Variants in GNAS-AS1 observed in about 807,000 individuals in gnomAD.
GNAS-AS1 encodes the protein GNAS antisense RNA 1.
At chr20:58,833,017 G>A (rs1454593406) in intron 4 of GNAS-AS1, among the ~76,000 whole-genome samples, 1 of 152,246 alleles carries the variant, frequency 6.6e-6, no homozygotes, top group Non-Finnish European at 1.5e-5. Context: ...TTTTGCCAGG[G>A]ACCCTGCACC....
chr20:58,830,045 G>A (rs73129530), intron 4 of GNAS-AS1, among the ~76,000 whole-genome samples: 17,676 of 151,898 alleles, frequency 0.12, 1,097 homozygotes, highest in South Asian at 0.14. Flanking sequence ...AATCCAACTC[G>A]ACTGCCAACT....
At chr20:58,842,104 A>T (rs540677999) in exon 4 of GNAS-AS1, 1 of 401,192 alleles carries the variant, frequency 2.5e-6, no homozygotes, top group Non-Finnish European at 4.4e-6. Context: ...GCACGGGTAG[A>T]GTTAAGTTTA....
rs1223979444 is a variant in GNAS-AS1 at position 58,840,053 on chromosome 20, CCA to C, written n.819+1882_819+1883del. ...CTCCAGCAGCCAATGTGCTTCGGAG[CCA>C]CTCTCTGCAGAGCCAGAGGGCAGGC... is the stretch of plus-strand genomic sequence containing the variant. On this transcript the variant is annotated intron_variant and non_coding_transcript_variant, in intron 4 of 4. Transcript: ENST00000424094. This position sits in a 1 kb window ranked among gnomAD's most constrained non-coding sequence, Gnocchi z 6.0. The C allele has an allele frequency of 3.8e-6, 6 of 1,594,388 alleles. No individual in the cohort carries two copies. The highest frequency in any genetic ancestry group is 5.1e-6 in the Non-Finnish European group (6 of 1,170,548).
At chr20:58,819,103 A>G in exon 5 of GNAS-AS1, 1 of 398,640 alleles carries the variant, frequency 2.5e-6, no homozygotes, top group Non-Finnish European at 4.4e-6. Context: ...TTTGCTTATC[A>G]AACCTTTCTT....
intron 4 of GNAS-AS1, among the ~76,000 whole-genome samples, chr20:58,835,666 G>C (rs2085597774): frequency 6.6e-6 from 1 of 152,152 alleles, no homozygotes; most frequent in South Asian, 2.1e-4. Context: ...ATATTTGGGG[G>C]CACTTCACAT....
intron 4 of GNAS-AS1, among the ~76,000 whole-genome samples, chr20:58,828,204 C>T (rs2085533077): frequency 1.3e-5 from 2 of 152,220 alleles, no homozygotes; most frequent in East Asian, 1.9e-4. Context: ...AGGCTGATTA[C>T]TAAAGACATG....
At chr20:58,850,884 T>C in exon 1 of GNAS-AS1, 1 of 398,688 alleles carries the variant, frequency 2.5e-6, no homozygotes, top group Non-Finnish European at 4.4e-6. Context: ...TCTTCGGGCG[T>C]TCCAACGCGG....
Position 58,841,241 on chromosome 20 carries a change from C to A in GNAS-AS1, n.819+696G>T. 1 of 890,776 alleles carries A rather than the reference C, an allele frequency of 1.1e-6. No individual in the cohort carries two copies. Among genetic ancestry groups the A allele is most frequent in the Non-Finnish European group, 1.4e-6 (1 of 702,698 alleles). The allele number at this position is 890,776 out of a possible 1,614,324, so 55.2% of individuals were successfully genotyped here. ...GCATTGGTAAGTCACTTGTTTTGCG[C>A]GCTTTTCTTCCTCCTAGAAAGACTA... On this transcript the variant is annotated intron_variant and non_coding_transcript_variant, in intron 4 of 4. Transcript: ENST00000424094. The surrounding 1 kb of genome is among the most constrained non-coding windows in gnomAD (Gnocchi z 5.0).
intron 2 of GNAS-AS1, among the ~76,000 whole-genome samples, chr20:58,847,992 C>T (rs1358208939): frequency 2.0e-5 from 3 of 152,178 alleles, no homozygotes; most frequent in African/African-American, 7.2e-5. Flanking sequence ...AGGAACGGGG[C>T]TGTAATGGTG....
chr20:58,843,664 CAGG>C (rs1174633345), intron 2 of GNAS-AS1, among the ~76,000 whole-genome samples: 3 of 152,136 alleles, frequency 2.0e-5, no homozygotes, highest in Admixed American at 6.5e-5. Context: ...GGAGGAGGAG[CAGG>C]AGAATAAAGC....
intron 4 of GNAS-AS1, among the ~76,000 whole-genome samples, chr20:58,828,682 GC>G (rs2085535713): frequency 4.6e-5 from 7 of 152,194 alleles, no homozygotes; most frequent in Non-Finnish European, 1.0e-4. Context: ...GACTTTTTCT[GC>G]TTCTATGACA....
intron 4 of GNAS-AS1, among the ~76,000 whole-genome samples, chr20:58,825,618 G>A (rs2085514424): frequency 6.6e-6 from 1 of 152,200 alleles, no homozygotes; most frequent in East Asian, 1.9e-4. Flanking sequence ...ATTGGAATAT[G>A]GCAAAAACCG....
chr20:58,834,373 C>G (rs1042993760), intron 4 of GNAS-AS1: 1 of 152,334 alleles, frequency 6.6e-6, no homozygotes, highest in Non-Finnish European at 1.5e-5. Flanking sequence ...GCCAGAACCC[C>G]GTAGACTGGG....
At chr20:58,849,837 G>A (rs1051321530) in intron 1 of GNAS-AS1, among the ~76,000 whole-genome samples, 6 of 152,102 alleles carry the variant, frequency 3.9e-5, no homozygotes, top group African/African-American at 1.4e-4. Context: ...CTTTGTTCTC[G>A]ATCAGGATCA....
At chr20:58,835,372 T>A (rs987511938) in intron 4 of GNAS-AS1, among the ~76,000 whole-genome samples, 1 of 152,142 alleles carries the variant, frequency 6.6e-6, no homozygotes, top group South Asian at 2.1e-4. Context: ...GACAATAGCC[T>A]GCAAGCCTTC....
Position 58,840,012 on chromosome 20 carries a change from G to A in GNAS-AS1, n.819+1925C>T, listed in dbSNP as rs1234645745. The stretch of plus-strand genomic sequence containing the variant: ...TCCGGGCCAGCTTCTCACCTCATAG[G>A]GTGTACCTTTCCCGGCTCCAGCAGC... On this transcript the variant is annotated intron_variant and non_coding_transcript_variant, in intron 4 of 4. Coordinates refer to ENST00000424094, the Ensembl canonical transcript of GNAS-AS1. The surrounding 1 kb of genome is among the most constrained non-coding windows in gnomAD (Gnocchi z 6.0). 7 of 1,415,324 alleles carry A rather than the reference G, an allele frequency of 4.9e-6. No homozygotes were observed. Among genetic ancestry groups the A allele is most frequent in the Admixed American group, 1.7e-5 (1 of 59,100 alleles). The allele number at this position is 1,415,324 out of a possible 1,614,324, so 87.7% of individuals were successfully genotyped here. A position where few individuals can be genotyped will look rare whatever the true frequency, so the allele number is the denominator to read the frequency against.
At position 58,840,274 on chromosome 20, in the gene GNAS-AS1, G is replaced by C. The variant is rs1437493984; in HGVS notation, n.819+1663C>G. The stretch of plus-strand genomic sequence containing the variant: ...CCAACGCCCGTGCCCAGCAGCGCGC[G>C]GCTGCCCAACAGCGCCGGAGCTTCC... On this transcript the variant is annotated intron_variant and non_coding_transcript_variant, in intron 4 of 4. Transcript: ENST00000424094. This position sits in a 1 kb window ranked among gnomAD's most constrained non-coding sequence, Gnocchi z 6.0. The C allele has an allele frequency of 6.2e-7, 1 of 1,612,028 alleles. No homozygotes were observed. The highest frequency in any genetic ancestry group is 1.7e-5 in the Admixed American group (1 of 60,016).
At chr20:58,829,635 T>C (rs979863777) in intron 4 of GNAS-AS1, among the ~76,000 whole-genome samples, 1 of 152,216 alleles carries the variant, frequency 6.6e-6, no homozygotes. Context: ...CTCTGGCTAC[T>C]CCTCAACTTG....
intron 4 of GNAS-AS1, chr20:58,834,140 A>C (rs1211868037): frequency 6.6e-6 from 1 of 152,230 alleles, no homozygotes; most frequent in African/African-American, 2.4e-5. Flanking sequence ...TGATGGGGTG[A>C]GTCAGATCCT....
Sources: gnomAD v4.1 joint callset for allele counts (sites outside exome capture counted in the v4.1 genomes callset) on GRCh38, gnomAD v4.1.1 for gene constraint, Gnocchi (gnomAD v3.1) non-coding constraint, MANE v1.5 for transcripts, NCBI Gene and HGNC (gene_info 2026-07-23, HGNC 2026-07-21) for gene names.